Variants in ATP13A4 observed in about 807,000 individuals in gnomAD.
ATP13A4 encodes probable cation-transporting ATPase 13A4.
In ATP13A4, 114 loss-of-function variants were observed where a neutral mutation model predicts 142.5. That is an observed-to-expected ratio of 0.80 (90% CI 0.69 to 0.93). ATP13A4 has a LOEUF of 0.93. Among genes scored for constraint, ATP13A4 ranks in the 40% least tolerant of loss-of-function variants. ATP13A4 has a pLI of 0.00. For synonymous variants in ATP13A4, 488 were observed against 514.8 expected, an observed-to-expected ratio of 0.95 and a Z score of 0.70; for missense variants, 1,392 against 1,454.0, an observed-to-expected ratio of 0.96 and a Z score of 0.69.
intron 18 of ATP13A4, among the ~76,000 whole-genome samples, chr3:193,445,904 G>T (rs979047045): frequency 1.8e-4 from 27 of 151,892 alleles, no homozygotes; most frequent in African/African-American, 6.3e-4. Flanking sequence ...CGATTCAAAA[G>T]GGGATTTGAA....
chr3:193,532,307 C>T (rs584757), intron 1 of ATP13A4, among the ~76,000 whole-genome samples: 144,364 of 150,856 alleles, frequency 0.96, 69,144 homozygotes, highest in East Asian at 1. Flanking sequence ...ACCTGTTTGG[C>T]ACTTATTAGG....
At chr3:193,560,214 C>CT (rs527631417) in intron 2 of ATP13A4, among the ~76,000 whole-genome samples, 4,976 of 146,858 alleles carry the variant, frequency 0.034, 89 homozygotes, top group African/African-American at 0.046. Context: ...TTGCTACTCA[C>CT]TTTTTTTTTT....
At chr3:193,503,995 A>ATGTGTG (rs554927410) in intron 2 of ATP13A4, among the ~76,000 whole-genome samples, 13 of 136,088 alleles carry the variant, frequency 9.6e-5, no homozygotes, top group South Asian at 2.4e-4. Context: ...TTCTGTGTGC[A>ATGTGTG]TGTGTGTGTG....
chr3:193,547,669 A>G (rs1723301758), intron 1 of ATP13A4, among the ~76,000 whole-genome samples: 1 of 152,094 alleles, frequency 6.6e-6, no homozygotes, highest in Admixed American at 6.5e-5. Flanking sequence ...ATTATATCAC[A>G]CTTTCATTAT....
At chr3:193,488,901 G>GCT (rs1247259778) in intron 7 of ATP13A4, among the ~76,000 whole-genome samples, 5 of 152,164 alleles carry the variant, frequency 3.3e-5, no homozygotes, top group Non-Finnish European at 7.3e-5. Flanking sequence ...CCCCAGGAAG[G>GCT]TGGGAGTGGA....
chr3:193,465,681 T>C (rs1718234251), intron 11 of ATP13A4, among the ~76,000 whole-genome samples: 1 of 152,252 alleles, frequency 6.6e-6, no homozygotes, highest in African/African-American at 2.4e-5. Flanking sequence ...TGTCTGATTT[T>C]ATTTAAAATC....
intron 3 of ATP13A4, among the ~76,000 whole-genome samples, chr3:193,494,871 A>G (rs1720139125): frequency 6.6e-6 from 1 of 152,038 alleles, no homozygotes; most frequent in Non-Finnish European, 1.5e-5. Context: ...GTCAGACTAA[A>G]GAAAAAAAGG....
chr3:193,554,659 T>TGCGTGC lies in ATP13A4; in HGVS notation c.60+80_60+81insGCACGC, dbSNP rs1723795094. On this transcript the variant is annotated intron_variant, in intron 1 of 29. Transcript: ENST00000342695. ...TGTGTGTGTGTGATGCGTGCGTGTG[T>TGCGTGC]GTGTGTGTGTGTGTGTGTGTGTGTG... 4 of 49,450 alleles carry TGCGTGC rather than the reference T, an allele frequency of 8.1e-5. No individual in the cohort carries two copies. The Admixed American group carries it at 1.2e-3, about 14-fold the overall frequency. The allele number at this position is 49,450 out of a possible 1,614,324, so 3.1% of individuals were successfully genotyped here.
upstream of ATP13A4, among the ~76,000 whole-genome samples, chr3:193,558,011 C>T (rs1284568361): frequency 5.9e-5 from 9 of 152,338 alleles, no homozygotes; most frequent in Middle Eastern, 3.4e-3. Flanking sequence ...TATGGACCAA[C>T]GCCATGCATG....
At chr3:193,485,746 C>T (rs1441760981) in intron 7 of ATP13A4, among the ~76,000 whole-genome samples, 3 of 151,802 alleles carry the variant, frequency 2.0e-5, no homozygotes, top group Non-Finnish European at 4.4e-5. Context: ...ATTTCAGTGC[C>T]CTTATAGAAG....
At chr3:193,503,296 C>T (rs1720663302) in intron 2 of ATP13A4, among the ~76,000 whole-genome samples, 2 of 152,146 alleles carry the variant, frequency 1.3e-5, no homozygotes, top group South Asian at 2.1e-4. Flanking sequence ...TTGAAGAAGG[C>T]ACCTTATTGC....
At chr3:193,554,653 CGTGTGTGTGT>C (rs58073069) in intron 1 of ATP13A4, 77 bp downstream of exon 1, 12,888 of 1,219,508 alleles carry the variant, frequency 0.011, 85 homozygotes, top group African/African-American at 0.064. Context: ...GTGATGCGTG[CGTGTGTGTGT>C]GTGTGTGTGT....
At chr3:193,497,695 G>C (rs751576604) in intron 3 of ATP13A4, among the ~76,000 whole-genome samples, 2 of 152,012 alleles carry the variant, frequency 1.3e-5, no homozygotes, top group African/African-American at 4.8e-5. Context: ...AATGGATAAA[G>C]AAAATGTACA....
intron 25 of ATP13A4, chr3:193,416,849 T>G (rs1715090059): frequency 6.6e-6 from 1 of 152,080 alleles, no homozygotes; most frequent in African/African-American, 2.4e-5. Context: ...AAGGCATAAA[T>G]CTGCATATCC....
chr3:193,576,622 C>A (rs1724403429), intron 2 of ATP13A4, among the ~76,000 whole-genome samples: 1 of 152,168 alleles, frequency 6.6e-6, no homozygotes, highest in African/African-American at 2.4e-5. Flanking sequence ...TAATTAACCT[C>A]TGGGTTACGG....
chr3:193,413,280 G>C (rs974125064), intron 26 of ATP13A4, among the ~76,000 whole-genome samples: 15 of 152,156 alleles, frequency 9.9e-5, no homozygotes, highest in African/African-American at 2.7e-4. Context: ...TCTTACTTTA[G>C]TCTCTTAATC....
At chr3:193,511,501 T>G (rs1721139313) in intron 2 of ATP13A4, among the ~76,000 whole-genome samples, 1 of 152,224 alleles carries the variant, frequency 6.6e-6, no homozygotes, top group African/African-American at 2.4e-5. Flanking sequence ...GTCATCCAGA[T>G]AAGCAAGACC....
At chr3:193,406,888 G>A (rs1714525045) in intron 29 of ATP13A4, among the ~76,000 whole-genome samples, 1 of 152,190 alleles carries the variant, frequency 6.6e-6, no homozygotes, top group Non-Finnish European at 1.5e-5. Flanking sequence ...AGTAGGTACA[G>A]GATTTCTTTA....
chr3:193,502,362 C>G, intron 3 of ATP13A4, 131 bp downstream of exon 3: 2 of 1,156,540 alleles, frequency 1.7e-6, no homozygotes, highest in Non-Finnish European at 2.5e-6. Flanking sequence ...CTGTCTGGCT[C>G]CAAAGTTCAC....
Sources: allele counts gnomAD v4.1 joint callset (sites outside exome capture counted in the v4.1 genomes callset), GRCh38; gene constraint gnomAD v4.1.1; transcripts MANE v1.5; gene names NCBI Gene and HGNC (gene_info 2026-07-23, HGNC 2026-07-21).